Variants in SLC17A5 observed in about 807,000 individuals in gnomAD.
The protein encoded by SLC17A5 is solute carrier family 17 member 5.
A neutral mutation model predicts 59.4 loss-of-function variants in SLC17A5; 47 were observed. The ratio of observed to expected loss-of-function variants is 0.79; its 90% CI spans 0.63 to 1.01. The LOEUF is 1.01. SLC17A5 is among the 50% of genes least tolerant of loss of function. The probability of loss-of-function intolerance (pLI) is 0.00; values close to 1 mark genes in which losing one functional copy is unlikely to be tolerated. For missense variants in SLC17A5, 522 were observed against 595.5 expected, an observed-to-expected ratio of 0.88 and a Z score of 1.28; for synonymous variants, 202 against 210.7, an observed-to-expected ratio of 0.96 and a Z score of 0.36.
chr6:73,635,701 G>C (rs1290860143), intron 5 of SLC17A5, among the ~76,000 whole-genome samples: 2 of 151,214 alleles, frequency 1.3e-5, no homozygotes, highest in African/African-American at 2.4e-5. Flanking sequence ...TGGGATAATT[G>C]CTATAACTGT....
chr6:73,623,791 A>G (rs1018660705), intron 6 of SLC17A5, among the ~76,000 whole-genome samples: 5 of 150,802 alleles, frequency 3.3e-5, no homozygotes, highest in African/African-American at 1.2e-4. Context: ...TCTCTCTCCC[A>G]GGTTCAAGTG....
intron 2 of SLC17A5, among the ~76,000 whole-genome samples, chr6:73,643,321 C>T (rs991767996): frequency 2.4e-4 from 37 of 151,488 alleles, no homozygotes; most frequent in African/African-American, 6.6e-4. Flanking sequence ...CCACCTCGCC[C>T]GTCTAATTTT....
chr6:73,600,508 CTTTTTTT>C (rs11349241), intron 9 of SLC17A5, 67 bp from the exon 10 acceptor site: 5 of 793,516 alleles, frequency 6.3e-6, no homozygotes, highest in Admixed American at 2.8e-5. Flanking sequence ...TTCTTTCCTT[CTTTTTTT>C]TTTTTTTTTT....
intron 6 of SLC17A5, 170 bp downstream of exon 6, chr6:73,635,212 G>T: frequency 1.9e-6 from 1 of 521,556 alleles, no homozygotes; most frequent in Non-Finnish European, 3.4e-6. Context: ...GGGATTACAA[G>T]TGTGAGCCAC....
intron 1 of SLC17A5, among the ~76,000 whole-genome samples, chr6:73,648,970 ATTAAGT>A: frequency 6.6e-6 from 1 of 152,080 alleles, no homozygotes; most frequent in East Asian, 1.9e-4. Context: ...GATAGTGGGT[ATTAAGT>A]TTAATAACAT....
intron 10 of SLC17A5, among the ~76,000 whole-genome samples, chr6:73,599,900 G>A (rs1255547579): frequency 2.0e-5 from 3 of 151,942 alleles, no homozygotes; most frequent in Admixed American, 6.6e-5. Context: ...GGGTTTGAGC[G>A]ATTCTTGTGC....
At chr6:73,617,535 C>T (rs1767928345) in intron 7 of SLC17A5, among the ~76,000 whole-genome samples, 1 of 152,160 alleles carries the variant, frequency 6.6e-6, no homozygotes, top group African/African-American at 2.4e-5. Flanking sequence ...AATATTGCCA[C>T]TTCAAGTTGC....
intron 4 of SLC17A5, 77 bp from the exon 5 acceptor site, chr6:73,636,784 A>C (rs1452651750): frequency 8.5e-6 from 9 of 1,056,758 alleles, no homozygotes; most frequent in African/African-American, 3.1e-5. Flanking sequence ...TACTGCTTAC[A>C]GAGGATGGGT....
chr6:73,648,069 C>CA (rs537628727), intron 1 of SLC17A5, among the ~76,000 whole-genome samples: 1,777 of 139,104 alleles, frequency 0.013, 11 homozygotes, highest in Non-Finnish European at 0.017. Flanking sequence ...GACTTCGTCT[C>CA]AAAAAAAAAA....
At chr6:73,641,658 T>G (rs780217822) in intron 3 of SLC17A5, 33 bp downstream of exon 3, 26 of 1,458,842 alleles carry the variant, frequency 1.8e-5, no homozygotes, top group Non-Finnish European at 2.5e-5. Context: ...AGACACACGG[T>G]AAGAAGTAAA....
intron 3 of SLC17A5, among the ~76,000 whole-genome samples, chr6:73,640,121 C>T (rs1486198022): frequency 2.0e-5 from 3 of 151,994 alleles, no homozygotes; most frequent in African/African-American, 7.2e-5. Flanking sequence ...ATCAATATGC[C>T]GTAATGTTAA....
At chr6:73,646,429 A>G (rs1447077926) in intron 1 of SLC17A5, among the ~76,000 whole-genome samples, 1 of 152,128 alleles carries the variant, frequency 6.6e-6, no homozygotes, top group South Asian at 2.1e-4. Flanking sequence ...TTCTTTTAAC[A>G]GGAAACTTTT....
intron 9 of SLC17A5, among the ~76,000 whole-genome samples, chr6:73,601,704 C>T (rs1239886629): frequency 3.1e-4 from 26 of 84,890 alleles, no homozygotes; most frequent in Middle Eastern, 7.0e-3. Flanking sequence ...GTCAGCCCCC[C>T]GCCCGGCCAG....
intron 7 of SLC17A5, among the ~76,000 whole-genome samples, chr6:73,620,191 G>T (rs1018189365): frequency 6.6e-5 from 10 of 152,058 alleles, no homozygotes; most frequent in African/African-American, 2.4e-4. Context: ...CCAAAGTGCT[G>T]GTATTACAGG....
chr6:73,629,049 T>C lies in SLC17A5; in HGVS notation c.819+6333A>G, dbSNP rs561437454. On this transcript the variant is annotated intron_variant, in intron 6 of 10. Transcript: ENST00000355773. ...TGCTTCGCAATGCTGCAAAATTGTA[T>C]ACTCTTCCTAAAAGGCATAAAGGAG... is the stretch of plus-strand genomic sequence containing the variant. Among the ~76,000 whole-genome samples, 36 of 152,330 alleles carry C rather than the reference T, an allele frequency of 2.4e-4. No homozygotes were observed. The South Asian group carries it at 7.5e-3, about 32-fold the overall frequency.
chr6:73,602,072 CTT>C (rs1440355669), intron 9 of SLC17A5, among the ~76,000 whole-genome samples: 1 of 151,900 alleles, frequency 6.6e-6, no homozygotes, highest in South Asian at 2.1e-4. Context: ...ACATGGGAGA[CTT>C]TTCATTTTGT....
intron 7 of SLC17A5, among the ~76,000 whole-genome samples, chr6:73,616,576 C>CAA (rs1487491171): frequency 1.7e-4 from 19 of 114,946 alleles, no homozygotes; most frequent in African/African-American, 6.8e-4. Flanking sequence ...CACACACACA[C>CAA]ACACGTTTAT....
At position 73,610,397 on chromosome 6, in the gene SLC17A5, C is replaced by T. The variant is rs772663686; in HGVS notation, c.1259+3G>A. On this transcript the variant is annotated splice_donor_region_variant and intron_variant, in intron 9 of 10. Coordinates refer to ENST00000355773, the MANE Select transcript of SLC17A5 (RefSeq NM_012434.5). The stretch of plus-strand genomic sequence containing the variant: ...CACAGCAAATCTTTATATTAGTACT[C>T]ACGAAGGAGCAATATCCAGATGGTT... 11 of 1,613,790 alleles carry T rather than the reference C, an allele frequency of 6.8e-6. No homozygotes were observed. Among genetic ancestry groups the T allele is most frequent in the Non-Finnish European group, 2.5e-6 (3 of 1,179,820 alleles).
intron 5 of SLC17A5, among the ~76,000 whole-genome samples, chr6:73,636,139 T>C (rs1176013178): frequency 6.6e-6 from 1 of 152,218 alleles, no homozygotes; most frequent in Non-Finnish European, 1.5e-5. Flanking sequence ...TCCAAAGGTG[T>C]CTGTTTTTGT....
Sources: allele counts gnomAD v4.1 joint callset (sites outside exome capture counted in the v4.1 genomes callset), GRCh38; gene constraint gnomAD v4.1.1; transcripts MANE v1.5; gene names NCBI Gene and HGNC (gene_info 2026-07-23, HGNC 2026-07-21).